The following CLEC1A variants were observed in gnomAD, a reference collection of about 807,000 sequenced individuals.
CLEC1A encodes the protein C-type lectin domain family 1 member A.
CLEC1A carries 34 observed loss-of-function variants against 28.7 expected under a neutral mutation model. The observed-to-expected ratio is 1.18, with a 90% CI of 0.90 to 1.57. The LOEUF (loss-of-function observed/expected upper bound fraction) is 1.57. Among genes scored for constraint, CLEC1A ranks in the 40% most tolerant of loss-of-function variants. The pLI, the probability that CLEC1A is intolerant of heterozygous loss-of-function variation, is 0.00. For missense variants in CLEC1A, 385 were observed against 339.5 expected (o/e 1.13, Z -1.05); for synonymous variants, 116 against 121.0 (o/e 0.96, Z 0.27).
rs751224568 is a variant in CLEC1A at position 10,098,517 on chromosome 12, C to A, written c.115+291G>T. Among the ~76,000 whole-genome samples the A allele has an allele frequency of 2.6e-5, 4 of 152,062 alleles. No homozygotes were observed. The East Asian group carries it at 7.7e-4, about 29-fold the overall frequency. ...GGAAAGTGGCATACCTGGTTTAGGA[C>A]CTAGAACCTAGTCCTGTGTATATTA... On this transcript the variant is annotated intron_variant, in intron 1 of 5. Coordinates refer to ENST00000315330, the MANE Select transcript of CLEC1A (RefSeq NM_016511.4).
At chr12:10,077,804 T>C (rs1866285298) in intron 3 of CLEC1A, among the ~76,000 whole-genome samples, 1 of 152,186 alleles carries the variant, frequency 6.6e-6, no homozygotes, top group East Asian at 1.9e-4. Flanking sequence ...CCTTTATTTT[T>C]GCTGTGTTTT....
chr12:10,088,376 C>T (rs1866544581), intron 2 of CLEC1A, among the ~76,000 whole-genome samples: 1 of 125,942 alleles, frequency 7.9e-6, no homozygotes, highest in Non-Finnish European at 1.8e-5. Flanking sequence ...TCCTATAAAA[C>T]CCAATTTTTG....
intron 4 of CLEC1A, 123 bp from the exon 5 acceptor site, chr12:10,073,534 C>G: frequency 1.5e-6 from 1 of 679,554 alleles, no homozygotes; most frequent in Non-Finnish European, 2.6e-6. Context: ...CATTGATGCT[C>G]ATATGCTTAA....
At chr12:10,090,225 T>C (rs541076064) in intron 1 of CLEC1A, among the ~76,000 whole-genome samples, 4 of 152,182 alleles carry the variant, frequency 2.6e-5, no homozygotes, top group Admixed American at 1.3e-4. Context: ...GGAGGGGCTT[T>C]TTGAAAGGAA....
At chr12:10,087,160 A>T (rs1866510913) in intron 2 of CLEC1A, among the ~76,000 whole-genome samples, 1 of 131,240 alleles carries the variant, frequency 7.6e-6, no homozygotes, top group African/African-American at 2.9e-5. Flanking sequence ...AGCCGAGATC[A>T]TGCCACTGCA....
At chr12:10,078,028 A>G (rs950217213) in intron 3 of CLEC1A, among the ~76,000 whole-genome samples, 27 of 152,140 alleles carry the variant, frequency 1.8e-4, no homozygotes, top group Admixed American at 8.5e-4. Context: ...ATCAATTTAT[A>G]TCCCATCATG....
chr12:10,083,618 G>A (rs1296404324), intron 2 of CLEC1A, among the ~76,000 whole-genome samples: 1 of 152,046 alleles, frequency 6.6e-6, no homozygotes, highest in Non-Finnish European at 1.5e-5. Context: ...GATTACAGGT[G>A]CCCACCACCA....
At position 10,089,142 on chromosome 12, in the gene CLEC1A, C is replaced by G; in HGVS notation, c.196G>C (p.Ala66Pro). 6.2e-7 allele frequency: 1 copy of G among 1,613,794 alleles called. No homozygotes were observed. The highest frequency in any genetic ancestry group is 1.3e-5 in the African/African-American group (1 of 75,038). ...GACTTACACAAAAGCCCCAGGGCTG[C>G]CAGCCCTATCAGCAGCACCAAGCAC... ...TLCLVLLIGL[A>P]ALGLLFFQYY... The change falls in exon 2 of 6, where the codon GCA becomes CCA. Residue 66 changes from alanine (A) to proline (P), a missense_variant. Coordinates refer to ENST00000315330, the MANE Select transcript of CLEC1A (RefSeq NM_016511.4).
At chr12:10,092,260 T>C (rs1228135500) in intron 1 of CLEC1A, among the ~76,000 whole-genome samples, 2 of 152,216 alleles carry the variant, frequency 1.3e-5, no homozygotes, top group African/African-American at 4.8e-5. Context: ...TCTCATCACT[T>C]TGGAATCCTC....
chr12:10,085,486 C>T (rs1281080789), intron 2 of CLEC1A, among the ~76,000 whole-genome samples: 5 of 148,092 alleles, frequency 3.4e-5, no homozygotes, highest in South Asian at 2.1e-4. Context: ...AAAAATGAGC[C>T]GGAGTAGCTA....
intron 1 of CLEC1A, among the ~76,000 whole-genome samples, chr12:10,095,317 A>G (rs1211207793): frequency 6.6e-6 from 1 of 151,188 alleles, no homozygotes. Context: ...AACCAAAGTA[A>G]TTTTTCATAT....
intron 3 of CLEC1A, among the ~76,000 whole-genome samples, chr12:10,080,469 A>C (rs913521823): frequency 2.0e-5 from 3 of 152,222 alleles, no homozygotes; most frequent in African/African-American, 7.2e-5. Context: ...TGTCTGTTTC[A>C]GGTGGGAAGT....
chr12:10,085,196 A>AACACACACACAC (rs144572464), intron 2 of CLEC1A, among the ~76,000 whole-genome samples: 147 of 129,142 alleles, frequency 1.1e-3, no homozygotes, highest in East Asian at 2.8e-3. Flanking sequence ...ATAAGACAAT[A>AACACACACACAC]ACACACACAC....
rs1460437641 is a variant in CLEC1A, at chr12:10,080,465, T to C, written c.391+772A>G. Among the ~76,000 whole-genome samples the C allele has an allele frequency of 2.6e-5, 4 of 152,216 alleles. No homozygotes were observed. In the East Asian group the frequency reaches 7.7e-4, roughly 29 times the overall value. The stretch of plus-strand genomic sequence containing the variant: ...CATAGCCATGCAATCAGGATGTCTG[T>C]TTCAGGTGGGAAGTGGTGTGTGTAT... On this transcript the variant is annotated intron_variant, in intron 3 of 5. Transcript: ENST00000315330.
At chr12:10,098,133 T>C (rs1187707735) in intron 1 of CLEC1A, among the ~76,000 whole-genome samples, 2 of 151,952 alleles carry the variant, frequency 1.3e-5, no homozygotes, top group South Asian at 2.1e-4. Flanking sequence ...GGAAAGGGCA[T>C]ATTAAAACAC....
At chr12:10,093,572 C>A (rs1003029467) in intron 1 of CLEC1A, among the ~76,000 whole-genome samples, 5 of 151,878 alleles carry the variant, frequency 3.3e-5, no homozygotes, top group Non-Finnish European at 7.4e-5. Flanking sequence ...AGAAACTAAG[C>A]TGACATTACC....
intron 3 of CLEC1A, among the ~76,000 whole-genome samples, chr12:10,080,913 G>C (rs761204294): frequency 3.9e-4 from 59 of 152,252 alleles, no homozygotes; most frequent in Middle Eastern, 3.4e-3. Flanking sequence ...CTTCTTACTA[G>C]GAAAGAATTT....
intron 1 of CLEC1A, among the ~76,000 whole-genome samples, chr12:10,097,004 T>C (rs1287355862): frequency 6.6e-6 from 1 of 152,170 alleles, no homozygotes; most frequent in African/African-American, 2.4e-5. Flanking sequence ...TATTAGACTT[T>C]CAATTTCCTT....
chr12:10,095,230 A>G (rs4764251), intron 1 of CLEC1A, among the ~76,000 whole-genome samples: 114,807 of 152,028 alleles, frequency 0.76, 45,101 homozygotes, highest in Non-Finnish European at 0.88. Flanking sequence ...ACGCTGGGAA[A>G]TTCAATAGTA....
Sources: gnomAD v4.1 joint callset for allele counts (sites outside exome capture counted in the v4.1 genomes callset) on GRCh38, gnomAD v4.1.1 for gene constraint, MANE v1.5 for transcripts, NCBI Gene and HGNC (gene_info 2026-07-23, HGNC 2026-07-21) for gene names.